CBX7: variants seen among roughly 807,000 people sequenced by gnomAD.
CBX7 encodes the protein chromobox 7.
A neutral mutation model predicts 31.4 loss-of-function variants in CBX7; 14 were observed. That is an observed-to-expected ratio of 0.45 (90% CI 0.29 to 0.70). The LOEUF is 0.70. Ranked by LOEUF, CBX7 falls within the 30% of genes least tolerant of loss-of-function variation. CBX7 has a pLI of 0.11. For missense variants in CBX7, 269 were observed against 351.9 expected, an observed-to-expected ratio of 0.76 and a Z score of 1.89; for synonymous variants, 159 against 152.6, an observed-to-expected ratio of 1.04 and a Z score of -0.31.
intron 1 of CBX7, among the ~76,000 whole-genome samples, chr22:39,151,518 G>T (rs1181372124): frequency 6.6e-6 from 1 of 152,172 alleles, no homozygotes; most frequent in Admixed American, 6.5e-5. Context: ...GACCCCCTAA[G>T]GCCCCTCCCA....
At position 39,134,733 on chromosome 22, in the gene CBX7, A is replaced by C. The variant is rs1406474663; in HGVS notation, c.266T>G (p.Leu89Arg). 1.9e-6 allele frequency: 3 copies of C among 1,554,458 alleles called. No homozygotes were observed. Among genetic ancestry groups the C allele is most frequent in the Admixed American group, 3.8e-5 (2 of 53,320 alleles). The change falls in exon 5 of 6, where the codon CTG becomes CGG. Residue 89 changes from leucine to arginine, a missense_variant. By Grantham distance (102) the Leu-to-Arg change is moderately radical. This residue lies in a region of CBX7 where 222 missense variants were observed against 240.4 expected (regional missense o/e 0.92). Transcript: ENST00000216133. Reference sequence around the variant, plus strand: ...GCCCTTGGCCTTGTGGGAGCTCCGCAGGTCCATGCTGTACAGCCGCTGCGG... The same window carrying C: ...GCCCTTGGCCTTGTGGGAGCTCCGCCGGTCCATGCTGTACAGCCGCTGCGG... The part of the protein sequence containing the change: ...LLLQRLYSMD[L>R]RSSHKAKGKE...
chr22:39,139,904 T>G (rs1052062737), intron 3 of CBX7, among the ~76,000 whole-genome samples: 6 of 151,910 alleles, frequency 3.9e-5, no homozygotes, highest in African/African-American at 1.5e-4. Context: ...CACTCCAGCC[T>G]GGGAGACAGG....
At chr22:39,134,845 C>T (rs1366761749) in intron 4 of CBX7, 93 bp from the exon 5 acceptor site, 1 of 806,500 alleles carries the variant, frequency 1.2e-6, no homozygotes, top group East Asian at 2.8e-5. Context: ...GAATGCCCTT[C>T]CCATGCCATG....
At chr22:39,140,567 G>GA (rs139391) in intron 3 of CBX7, among the ~76,000 whole-genome samples, 104,540 of 152,104 alleles carry the variant, frequency 0.69, 37,241 homozygotes, top group African/African-American at 0.9. Context: ...TCCTTGCTCT[G>GA]GGCTCCAGGT....
At chr22:39,139,227 G>T (rs1181471387) in intron 3 of CBX7, among the ~76,000 whole-genome samples, 1 of 152,176 alleles carries the variant, frequency 6.6e-6, no homozygotes, top group Non-Finnish European at 1.5e-5. Context: ...CTTGTCGGGG[G>T]ACAGGATGAA....
At chr22:39,151,227 A>T (rs1930839084) in intron 1 of CBX7, among the ~76,000 whole-genome samples, 1 of 152,212 alleles carries the variant, frequency 6.6e-6, no homozygotes, top group South Asian at 2.1e-4. Context: ...AAGTGGAGAA[A>T]ACCCTAGGAA....
chr22:39,152,332 G>A lies in CBX7; in HGVS notation c.69+44C>T. ...GGAGGGAGCGGTGCTGGGGACGGGA[G>A]GGACCCCACTGGGGTCCTGGGAGCC... is the stretch of plus-strand genomic sequence containing the variant. On this transcript the variant is annotated intron_variant, in intron 1 of 5. Transcript: ENST00000216133. The surrounding 1 kb of genome is among the most constrained non-coding windows in gnomAD (Gnocchi z 4.9). 1 of 1,268,998 alleles carries A rather than the reference G, an allele frequency of 7.9e-7. No homozygotes were observed. 78.6% of individuals were successfully genotyped at this position (1,268,998 alleles called of 1,614,324 possible). A position where few individuals can be genotyped will look rare whatever the true frequency, so the allele number is the denominator to read the frequency against.
intron 1 of CBX7, among the ~76,000 whole-genome samples, chr22:39,150,270 A>C (rs952713785): frequency 6.6e-6 from 1 of 152,128 alleles, no homozygotes; most frequent in Admixed American, 6.5e-5. Flanking sequence ...GGTAGTCCCC[A>C]CGCTCCTCCC....
chr22:39,133,769 C>T lies in CBX7; in HGVS notation c.*122G>A, dbSNP rs1049285899. 7.2e-5 allele frequency: 70 copies of T among 968,614 alleles called. No individual in the cohort carries two copies. Among genetic ancestry groups the T allele is most frequent in the Non-Finnish European group, 5.1e-5 (35 of 683,436 alleles). 60.0% of individuals were successfully genotyped at this position (968,614 alleles called of 1,614,324 possible). ...GGTGGGAGAGTAGTGGGATCTTCTC[C>T]CCTTTTGCTGCTCGGTATTTTTTTA... On this transcript the variant is annotated 3_prime_UTR_variant, in exon 6 of 6. Transcript: ENST00000216133.
chr22:39,144,651 CT>C (rs1402945107), intron 2 of CBX7, among the ~76,000 whole-genome samples: 1 of 152,242 alleles, frequency 6.6e-6, no homozygotes, highest in African/African-American at 2.4e-5. Flanking sequence ...CTCACTCTAA[CT>C]GGTAGGAAGG....
chr22:39,149,976 C>T, intron 1 of CBX7, 144 bp from the exon 2 acceptor site: 1 of 711,418 alleles, frequency 1.4e-6, no homozygotes, highest in Non-Finnish European at 2.5e-6. Flanking sequence ...AATCCGGGGA[C>T]TGTCCACCAG....
At chr22:39,146,095 A>G (rs1478606504) in intron 2 of CBX7, among the ~76,000 whole-genome samples, 1 of 152,216 alleles carries the variant, frequency 6.6e-6, no homozygotes, top group Non-Finnish European at 1.5e-5. Context: ...GCTCTGGTCC[A>G]GACTGCGGGG....
intron 2 of CBX7, among the ~76,000 whole-genome samples, chr22:39,145,392 G>C (rs1034698475): frequency 6.6e-6 from 1 of 152,184 alleles, no homozygotes; most frequent in Non-Finnish European, 1.5e-5. Flanking sequence ...TGGGCGCCGC[G>C]GATCGAAGGG....
At chr22:39,139,837 G>A (rs1265966521) in intron 3 of CBX7, among the ~76,000 whole-genome samples, 1 of 152,048 alleles carries the variant, frequency 6.6e-6, no homozygotes, top group Non-Finnish European at 1.5e-5. Flanking sequence ...GGCTGAGGCA[G>A]GAGAATTGCT....
Position 39,133,628 on chromosome 22 carries a change from G to A in CBX7, c.*263C>T, listed in dbSNP as rs374848687. 543 of 344,058 alleles carry A rather than the reference G, an allele frequency of 1.6e-3. 9 individuals are homozygous for A. In the South Asian group the frequency reaches 0.035, roughly 22 times the overall value. 21.3% of individuals were successfully genotyped at this position (344,058 alleles called of 1,614,324 possible). A position where few individuals can be genotyped will look rare whatever the true frequency, so the allele number is the denominator to read the frequency against. On this transcript the variant is annotated 3_prime_UTR_variant, in exon 6 of 6. Coordinates refer to ENST00000216133, the MANE Select transcript of CBX7 (RefSeq NM_175709.5). The stretch of plus-strand genomic sequence containing the variant: ...AGGAGAATGATAATGGTGGTGTCCC[G>A]GGCAGGTGATCCTGTCCCCATCCTG...
intron 3 of CBX7, 54 bp from the exon 4 acceptor site, chr22:39,138,756 G>A (rs933253696): frequency 1.3e-6 from 2 of 1,540,476 alleles, no homozygotes; most frequent in Admixed American, 1.7e-5. Flanking sequence ...ACATCTAAGG[G>A]AAGGGAAGGC....
chr22:39,134,118 AC>A, intron 5 of CBX7, 70 bp from the exon 6 acceptor site: 1 of 1,461,162 alleles, frequency 6.8e-7, no homozygotes, highest in South Asian at 1.3e-5. Context: ...ACCCAACCCG[AC>A]CCCAACTCCA....
intron 2 of CBX7, chr22:39,149,498 G>A (rs1299570299): frequency 6.0e-6 from 3 of 502,356 alleles, no homozygotes; most frequent in Non-Finnish European, 1.1e-5. Context: ...CCTCCCAGTT[G>A]CCAAGAAAAG....
In CBX7 at chr22:39,141,394, G is replaced by T; in HGVS notation, c.156C>A (p.Arg52=). 6.2e-7 allele frequency: 1 copy of T among 1,612,564 alleles called. No individual in the cohort carries two copies. Among genetic ancestry groups the T allele is most frequent in the Non-Finnish European group, 8.5e-7 (1 of 1,179,598 alleles). Reference sequence around the variant, plus strand: ...ACTTCTCCTCGTAGGCCATGACGAGGCGGGGGTCCAAGATGTGCTCTTCTG... The same window carrying T: ...ACTTCTCCTCGTAGGCCATGACGAGTCGGGGGTCCAAGATGTGCTCTTCTG... ...WEPEEHILDP[R]LVMAYEEKEE... is the part of the protein sequence containing the mutation. The change falls in exon 3 of 6, where the codon CGC becomes CGA. Residue 52 remains arginine, a synonymous_variant. Coordinates refer to ENST00000216133, the MANE Select transcript of CBX7 (RefSeq NM_175709.5).
Sources: allele counts gnomAD v4.1 joint callset (sites outside exome capture counted in the v4.1 genomes callset), GRCh38; gene constraint gnomAD v4.1.1; regional missense constraint gnomAD v4.1.1; non-coding constraint Gnocchi (gnomAD v3.1); transcripts MANE v1.5; gene names NCBI Gene and HGNC (gene_info 2026-07-23, HGNC 2026-07-21).